The following KCNH1 variants were observed in gnomAD, a reference collection of about 807,000 sequenced individuals.
The protein encoded by KCNH1 is potassium voltage-gated channel subfamily H member 1.
KCNH1 carries 27 observed loss-of-function variants against 69.2 expected under a neutral mutation model. The ratio of observed to expected loss-of-function variants is 0.39; its 90% CI spans 0.29 to 0.54. The LOEUF is 0.54. Ranked by LOEUF, KCNH1 falls within the 20% of genes least tolerant of loss-of-function variation. KCNH1 has a pLI of 0.68. For synonymous variants in KCNH1, 456 were observed against 487.7 expected (o/e 0.93, Z 0.86); for missense variants, 798 against 1,261.6 (o/e 0.63, Z 5.57).
chr1:210,708,547 C>T (rs1293871664), intron 10 of KCNH1, among the ~76,000 whole-genome samples: 1 of 152,102 alleles, frequency 6.6e-6, no homozygotes, highest in Non-Finnish European at 1.5e-5. Flanking sequence ...CCTATATAAA[C>T]TTGCTGATCA....
chr1:210,828,730 T>C (rs1338454808), intron 7 of KCNH1, among the ~76,000 whole-genome samples: 2 of 152,144 alleles, frequency 1.3e-5, no homozygotes, highest in Non-Finnish European at 2.9e-5. Context: ...TTTCTAAAAA[T>C]GTGTTTTGGG....
chr1:210,976,196 T>G lies in KCNH1; in HGVS notation c.1032+42587A>C, dbSNP rs1574373138. ...CCATTGTGGAAGACAGTGTGGTGAT[T>G]CCTCAAGGATCTAGAACTAGAAATA... On this transcript the variant is annotated intron_variant, in intron 6 of 10. Transcript: ENST00000271751. 2.0e-5 allele frequency among the ~76,000 whole-genome samples: 3 copies of G among 152,200 alleles called. No homozygotes were observed. The Middle Eastern group carries it at 0.01, about 518-fold the overall frequency.
chr1:210,916,471 C>G (rs1687335256), intron 7 of KCNH1, among the ~76,000 whole-genome samples: 1 of 152,198 alleles, frequency 6.6e-6, no homozygotes, highest in South Asian at 2.1e-4. Context: ...AAAGTTTCCA[C>G]TGCAGAAACT....
chr1:211,030,398 A>G (rs1689761121), intron 5 of KCNH1, among the ~76,000 whole-genome samples: 1 of 152,208 alleles, frequency 6.6e-6, no homozygotes, highest in Admixed American at 6.5e-5. Flanking sequence ...ACTATGTGGT[A>G]TTGGAAAAAG....
intron 5 of KCNH1, among the ~76,000 whole-genome samples, chr1:211,070,066 C>T (rs528344295): frequency 6.6e-6 from 1 of 152,054 alleles, no homozygotes; most frequent in South Asian, 2.1e-4. Flanking sequence ...GAGAATTTTC[C>T]CAAATTAATG....
intron 10 of KCNH1, among the ~76,000 whole-genome samples, chr1:210,770,065 G>A (rs568520308): frequency 1.3e-5 from 2 of 152,266 alleles, no homozygotes; most frequent in South Asian, 4.1e-4. Flanking sequence ...CATGGATGAA[G>A]CTGGAAACCA....
intron 7 of KCNH1, among the ~76,000 whole-genome samples, chr1:210,809,114 A>G (rs1270413596): frequency 2.6e-5 from 4 of 152,154 alleles, no homozygotes; most frequent in Non-Finnish European, 1.5e-5. Flanking sequence ...GAAAGAAAGA[A>G]AAAAGATAGT....
intron 10 of KCNH1, among the ~76,000 whole-genome samples, chr1:210,751,766 C>T (rs1261460883): frequency 6.6e-6 from 1 of 152,076 alleles, no homozygotes; most frequent in Non-Finnish European, 1.5e-5. Flanking sequence ...TTGTTTACAA[C>T]ATTGAGGCAC....
intron 5 of KCNH1, among the ~76,000 whole-genome samples, chr1:211,074,855 C>A (rs982439848): frequency 5.9e-5 from 9 of 152,198 alleles, no homozygotes; most frequent in African/African-American, 2.2e-4. Context: ...CCAAGGGTTT[C>A]CATCTGTCAA....
chr1:211,049,890 G>GT (rs746231313), intron 5 of KCNH1, among the ~76,000 whole-genome samples: 31 of 152,264 alleles, frequency 2.0e-4, no homozygotes, highest in Non-Finnish European at 4.1e-4. Flanking sequence ...TCTCTCAGGA[G>GT]TATCAGCTGT....
intron 7 of KCNH1, among the ~76,000 whole-genome samples, chr1:210,820,689 G>A (rs893508205): frequency 6.6e-6 from 1 of 152,158 alleles, no homozygotes; most frequent in Non-Finnish European, 1.5e-5. Flanking sequence ...ATCTTGGGAT[G>A]AGAAGATTAC....
intron 1 of KCNH1, among the ~76,000 whole-genome samples, chr1:211,112,715 C>G (rs1262564105): frequency 6.6e-6 from 1 of 152,060 alleles, no homozygotes; most frequent in Non-Finnish European, 1.5e-5. Flanking sequence ...TCCCTTGTCA[C>G]TCCATGATAG....
chr1:211,080,395 A>G (rs1205627970), intron 5 of KCNH1, among the ~76,000 whole-genome samples: 1 of 152,214 alleles, frequency 6.6e-6, no homozygotes, highest in African/African-American at 2.4e-5. Flanking sequence ...CATACTGCCC[A>G]AAGTAATTTA....
intron 6 of KCNH1, among the ~76,000 whole-genome samples, chr1:210,945,477 C>A (rs1687941161): frequency 6.6e-6 from 1 of 152,152 alleles, no homozygotes; most frequent in South Asian, 2.1e-4. Flanking sequence ...AAATTCAAAC[C>A]CAAGCCACCT....
chr1:210,917,937 A>G (rs1233823426), intron 7 of KCNH1, among the ~76,000 whole-genome samples: 1 of 152,230 alleles, frequency 6.6e-6, no homozygotes, highest in Non-Finnish European at 1.5e-5. Flanking sequence ...GATCCTTAAC[A>G]CTGCTTCCCA....
At chr1:211,122,131 G>A (rs1161131520) in intron 1 of KCNH1, among the ~76,000 whole-genome samples, 7 of 150,910 alleles carry the variant, frequency 4.6e-5, no homozygotes, top group African/African-American at 9.7e-5. Flanking sequence ...GTGAGACTCC[G>A]TCTCAAAAAA....
At position 210,919,751 on chromosome 1, in the gene KCNH1, T is replaced by C. The variant is rs1476974345; in HGVS notation, c.1351A>G (p.Ile451Val). Residue 451 changes from isoleucine to valine, a missense_variant, in exon 7 of 11, where the codon ATC (isoleucine) becomes GTC (valine). Around this residue, in one of 4 missense-constraint regions of KCNH1, gnomAD observed 197 missense variants for 407.7 expected, o/e 0.48. Transcript: ENST00000271751. The surrounding 1 kb of genome is among the most constrained non-coding windows in gnomAD (Gnocchi z 4.2). ...EGGPSKNSVYISSLYFTMTSL... is the reference protein window; with the variant it reads ...EGGPSKNSVYVSSLYFTMTSL... Reference sequence around the variant, plus strand: ...GTCATTGTGAAATACAACGAGGAGATGTAGACAGAATTCTTGCTGGGACCA... The same window carrying C: ...GTCATTGTGAAATACAACGAGGAGACGTAGACAGAATTCTTGCTGGGACCA... The C allele has an allele frequency of 1.9e-6, 3 of 1,614,152 alleles. No homozygotes were observed. The highest frequency in any genetic ancestry group is 2.5e-6 in the Non-Finnish European group (3 of 1,180,016).
intron 5 of KCNH1, among the ~76,000 whole-genome samples, chr1:211,025,812 C>G (rs1489819935): frequency 1.3e-5 from 2 of 152,110 alleles, no homozygotes; most frequent in Non-Finnish European, 2.9e-5. Context: ...TTCTAGCCCT[C>G]CCAGCCTCCT....
intron 6 of KCNH1, among the ~76,000 whole-genome samples, chr1:210,967,861 T>A (rs1187270141): frequency 1.3e-5 from 2 of 150,874 alleles, no homozygotes; most frequent in African/African-American, 4.8e-5. Context: ...TGTTCTCAAT[T>A]TTTTTTTCTT....
Sources: gnomAD v4.1 joint callset for allele counts (sites outside exome capture counted in the v4.1 genomes callset) on GRCh38, gnomAD v4.1.1 for gene constraint, gnomAD v4.1.1 regional missense constraint, Gnocchi (gnomAD v3.1) non-coding constraint, MANE v1.5 for transcripts, NCBI Gene and HGNC (gene_info 2026-07-23, HGNC 2026-07-21) for gene names.